EYS: variants seen among roughly 807,000 people sequenced by gnomAD.
EYS encodes protein eyes shut homolog.
In EYS, 250 loss-of-function variants were observed where a neutral mutation model predicts 282.1. The observed-to-expected ratio is 0.89, with a 90% confidence interval of 0.80 to 0.98. The LOEUF (loss-of-function observed/expected upper bound fraction) is 0.98. Among genes scored for constraint, EYS ranks in the 50% least tolerant of loss-of-function variants. The probability of loss-of-function intolerance (pLI) is 0.00; values close to 1 mark genes in which losing one functional copy is unlikely to be tolerated. For missense variants in EYS, 4,016 were observed against 3,709.0 expected (o/e 1.08, Z -2.15); for synonymous variants, 1,355 against 1,282.9 (o/e 1.06, Z -1.20).
chr6:64,551,604 T>C (rs370523180), intron 26 of EYS, among the ~76,000 whole-genome samples: 1 of 150,786 alleles, frequency 6.6e-6, no homozygotes, highest in African/African-American at 2.4e-5. Context: ...TGGTGCAATC[T>C]TGACTCACTG....
chr6:64,605,229 C>T (rs551919823), intron 24 of EYS, among the ~76,000 whole-genome samples: 26 of 151,912 alleles, frequency 1.7e-4, no homozygotes, highest in South Asian at 6.2e-4. Flanking sequence ...CAATTATTTT[C>T]GATATCCATG....
intron 22 of EYS, among the ~76,000 whole-genome samples, chr6:64,697,325 G>A (rs1318877156): frequency 6.6e-6 from 1 of 152,054 alleles, no homozygotes; most frequent in Non-Finnish European, 1.5e-5. Context: ...TAATGATAAA[G>A]GGATCAATAT....
At chr6:64,187,663 A>T (rs1037899285) in intron 31 of EYS, among the ~76,000 whole-genome samples, 1 of 152,122 alleles carries the variant, frequency 6.6e-6, no homozygotes, top group Non-Finnish European at 1.5e-5. Context: ...TGTAATCAGA[A>T]TTCAGCTGTC....
intron 9 of EYS, among the ~76,000 whole-genome samples, chr6:65,344,631 A>G (rs886576321): frequency 2.6e-5 from 4 of 151,668 alleles, no homozygotes; most frequent in African/African-American, 9.7e-5. Context: ...GAATTCTCAG[A>G]CAAGGACTTT....
chr6:64,926,260 AG>A (rs1250748837), intron 15 of EYS, among the ~76,000 whole-genome samples: 2 of 152,148 alleles, frequency 1.3e-5, no homozygotes, highest in Non-Finnish European at 2.9e-5. Context: ...TTCTAGCCCC[AG>A]GGGCTTCTCC....
intron 12 of EYS, among the ~76,000 whole-genome samples, chr6:65,239,333 T>C (rs541426088): frequency 2.0e-5 from 3 of 152,222 alleles, no homozygotes; most frequent in African/African-American, 7.2e-5. Context: ...AGAATCACCC[T>C]TCACATGTGA....
At chr6:64,593,032 A>G (rs918663141) in intron 25 of EYS, 85 bp downstream of exon 25, 26 of 1,003,384 alleles carry the variant, frequency 2.6e-5, no homozygotes, top group Non-Finnish European at 3.6e-5. Context: ...GAAAAAAAAA[A>G]GATTTTAATA....
At chr6:64,716,352 T>G (rs910472239) in intron 22 of EYS, among the ~76,000 whole-genome samples, 1 of 152,216 alleles carries the variant, frequency 6.6e-6, no homozygotes, top group East Asian at 1.9e-4. Context: ...CGATATTGGT[T>G]GGCAACAAAA....
At chr6:65,309,367 C>T (rs1769094768) in intron 11 of EYS, among the ~76,000 whole-genome samples, 1 of 152,146 alleles carries the variant, frequency 6.6e-6, no homozygotes, top group African/African-American at 2.4e-5. Context: ...CTATAGAAAG[C>T]ATCTATAGCT....
Position 65,388,353 on chromosome 6 carries a change from T to C in EYS, c.1185-3853A>G, listed in dbSNP as rs533429652. Among the ~76,000 whole-genome samples the C allele has an allele frequency of 4.6e-5, 7 of 151,974 alleles. No homozygotes were observed. In the South Asian group the frequency reaches 1.2e-3, roughly 27 times the overall value. On this transcript the variant is annotated intron_variant, in intron 7 of 42. Transcript: ENST00000503581. ...GGAGAGAAAATTATAAATACATGAG[T>C]ATAGTGACAGATAGGGAGAGGTGCT... is the stretch of plus-strand genomic sequence containing the variant.
chr6:63,837,017 TG>T (rs1161703365), intron 36 of EYS, among the ~76,000 whole-genome samples: 2 of 152,090 alleles, frequency 1.3e-5, no homozygotes, highest in African/African-American at 2.4e-5. Flanking sequence ...GGACTATTTT[TG>T]TTTTGTATTC....
chr6:63,998,027 A>G (rs930038753), intron 34 of EYS, among the ~76,000 whole-genome samples: 1 of 152,166 alleles, frequency 6.6e-6, no homozygotes, highest in Non-Finnish European at 1.5e-5. Context: ...TTAAAACATA[A>G]AAACAATTTT....
rs570600890 is a variant in EYS at position 63,984,297 on chromosome 6, C to T, written c.7055+86G>A. ...AATTCTGGACTTGTCATTTTCGTCTCTCAGAGGACAATACTGCTGGCTTTT... is the reference window on the plus strand; with the variant it reads ...AATTCTGGACTTGTCATTTTCGTCTTTCAGAGGACAATACTGCTGGCTTTT... On this transcript the variant is annotated intron_variant, in intron 35 of 42. Coordinates refer to ENST00000503581, the MANE Select transcript of EYS (RefSeq NM_001142800.2). 22 of 943,830 alleles carry T rather than the reference C, an allele frequency of 2.3e-5. No individual in the cohort carries two copies. The South Asian group carries it at 3.1e-4, about 13-fold the overall frequency. 58.5% of individuals were successfully genotyped at this position (943,830 alleles called of 1,614,324 possible).
At chr6:64,968,071 C>T (rs1770156794) in intron 14 of EYS, among the ~76,000 whole-genome samples, 1 of 152,100 alleles carries the variant, frequency 6.6e-6, no homozygotes, top group Admixed American at 6.6e-5. Flanking sequence ...CACAATACAA[C>T]ATAAAAGACA....
At chr6:65,122,466 A>C (rs954869765) in intron 12 of EYS, among the ~76,000 whole-genome samples, 1 of 152,262 alleles carries the variant, frequency 6.6e-6, no homozygotes, top group Admixed American at 6.5e-5. Context: ...AAAATTTGAT[A>C]GTCTTGAAAC....
chr6:63,745,183 G>A (rs1486366275), intron 41 of EYS, among the ~76,000 whole-genome samples: 1 of 152,190 alleles, frequency 6.6e-6, no homozygotes, highest in African/African-American at 2.4e-5. Flanking sequence ...ATGTGGACAA[G>A]AGAGAAGCCT....
intron 31 of EYS, among the ~76,000 whole-genome samples, chr6:64,194,347 T>C (rs536886950): frequency 1.3e-5 from 2 of 152,222 alleles, no homozygotes; most frequent in African/African-American, 4.8e-5. Flanking sequence ...AATGCATAGG[T>C]AAGTAACTTT....
chr6:64,398,048 C>A (rs1254732226), intron 28 of EYS, among the ~76,000 whole-genome samples: 1 of 151,742 alleles, frequency 6.6e-6, no homozygotes, highest in African/African-American at 2.4e-5. Context: ...CTAATTTTAG[C>A]TCAAATTGAG....
At chr6:63,744,574 T>C (rs1582163864) in intron 41 of EYS, 4 of 152,560 alleles carry the variant, frequency 2.6e-5, no homozygotes, top group Non-Finnish European at 4.4e-5. Flanking sequence ...TCTTTCTTTT[T>C]TTTTTTTTTC....
Sources: allele counts gnomAD v4.1 joint callset (sites outside exome capture counted in the v4.1 genomes callset), GRCh38; gene constraint gnomAD v4.1.1; transcripts MANE v1.5; gene names NCBI Gene and HGNC (gene_info 2026-07-23, HGNC 2026-07-21).